Variants in DCLK1 observed in about 807,000 individuals in gnomAD.
The protein encoded by DCLK1 is serine/threonine-protein kinase DCLK1.
In DCLK1, 16 loss-of-function variants were observed where a neutral mutation model predicts 86.2. The observed-to-expected ratio is 0.19, with a 90% CI of 0.13 to 0.28. DCLK1 has a LOEUF of 0.28. Ranked by LOEUF, DCLK1 falls within the 10% of genes least tolerant of loss-of-function variation. The pLI, the probability that DCLK1 is intolerant of heterozygous loss-of-function variation, is 1.00. For synonymous variants in DCLK1, 369 were observed against 370.5 expected, an observed-to-expected ratio of 1.00 and a Z score of 0.05; for missense variants, 590 against 940.2, an observed-to-expected ratio of 0.63 and a Z score of 4.87.
At chr13:36,032,266 C>T (rs924548552) in intron 3 of DCLK1, among the ~76,000 whole-genome samples, 2 of 151,944 alleles carry the variant, frequency 1.3e-5, no homozygotes, top group Non-Finnish European at 1.5e-5. Context: ...CTCAGCCTCC[C>T]GAGTGGCTGG....
intron 15 of DCLK1, among the ~76,000 whole-genome samples, chr13:35,801,511 T>TG (rs372490424): frequency 6.6e-6 from 1 of 151,942 alleles, no homozygotes; most frequent in East Asian, 1.9e-4. Flanking sequence ...GGGTATTTTT[T>TG]TTTTAGTTTT....
chr13:35,848,551 C>T (rs1412267253), intron 6 of DCLK1: 3 of 985,098 alleles, frequency 3.0e-6, no homozygotes, highest in Middle Eastern at 5.2e-4. Context: ...TGATATCTAT[C>T]GGCAATTAGT....
intron 3 of DCLK1, among the ~76,000 whole-genome samples, chr13:36,102,509 AC>A (rs2138165384): frequency 6.6e-6 from 1 of 152,340 alleles, no homozygotes; most frequent in East Asian, 1.9e-4. Flanking sequence ...TTGGTCTCAC[AC>A]AGGTGTACAA....
At chr13:36,117,123 T>A (rs1885818122) in intron 2 of DCLK1, among the ~76,000 whole-genome samples, 1 of 151,974 alleles carries the variant, frequency 6.6e-6, no homozygotes, top group Non-Finnish European at 1.5e-5. Flanking sequence ...TGTGGACATG[T>A]CACCTTCTCA....
chr13:36,090,980 A>C (rs1884804208), intron 3 of DCLK1, among the ~76,000 whole-genome samples: 1 of 152,196 alleles, frequency 6.6e-6, no homozygotes, highest in Non-Finnish European at 1.5e-5. Context: ...TGGCTGCATA[A>C]ACATCTTCTT....
intron 4 of DCLK1, among the ~76,000 whole-genome samples, chr13:35,908,600 C>T (rs377714200): frequency 6.6e-5 from 10 of 152,146 alleles, no homozygotes; most frequent in African/African-American, 7.2e-5. Flanking sequence ...GTCTATCACC[C>T]AGCTCCTATT....
At chr13:35,959,641 C>T (rs1184852876) in intron 3 of DCLK1, among the ~76,000 whole-genome samples, 1 of 152,090 alleles carries the variant, frequency 6.6e-6, no homozygotes, top group African/African-American at 2.4e-5. Context: ...GGATTCAACC[C>T]GTGGGCAGGC....
chr13:36,108,525 G>A (rs551195283), intron 3 of DCLK1, among the ~76,000 whole-genome samples: 2 of 152,228 alleles, frequency 1.3e-5, no homozygotes, highest in East Asian at 1.9e-4. Context: ...TCCGGTGTCC[G>A]TCTCCTCTGG....
intron 3 of DCLK1, among the ~76,000 whole-genome samples, chr13:35,985,268 T>G (rs1382870600): frequency 6.6e-6 from 1 of 152,112 alleles, no homozygotes; most frequent in Non-Finnish European, 1.5e-5. Context: ...CAATGCCTCC[T>G]GTGAAGGGGA....
chr13:35,789,990 C>G (rs2086685883), intron 16 of DCLK1, among the ~76,000 whole-genome samples: 2 of 152,122 alleles, frequency 1.3e-5, no homozygotes, highest in Non-Finnish European at 2.9e-5. Context: ...GCAATGCCTT[C>G]CACCTAATCC....
chr13:35,954,887 T>G (rs913140300), intron 3 of DCLK1, among the ~76,000 whole-genome samples: 3 of 152,102 alleles, frequency 2.0e-5, no homozygotes, highest in Non-Finnish European at 1.5e-5. Flanking sequence ...GGCTAGGAGA[T>G]AACACTCAAA....
Position 36,046,338 on chromosome 13 carries a change from AC to A in DCLK1, c.723+65530del, listed in dbSNP as rs1189199094. Among the ~76,000 whole-genome samples the A allele has an allele frequency of 1.2e-3, 180 of 152,346 alleles. 1 individual carries two copies. Among genetic ancestry groups the A allele is most frequent in the African/African-American group, 4.0e-3 (167 of 41,582 alleles). On this transcript the variant is annotated intron_variant, in intron 3 of 16. Transcript: ENST00000360631. ...TGAGTTAATACATAAACTAACACAC[AC>A]AGCTAAACAGCGCCTGAACAGTAAC...
At chr13:35,843,235 G>A (rs974353245) in intron 6 of DCLK1, among the ~76,000 whole-genome samples, 10 of 152,112 alleles carry the variant, frequency 6.6e-5, no homozygotes, top group African/African-American at 9.7e-5. Flanking sequence ...AGTACAAAAC[G>A]TACAGTTATT....
intron 4 of DCLK1, among the ~76,000 whole-genome samples, chr13:35,889,449 G>T (rs1357508164): frequency 6.6e-6 from 1 of 152,128 alleles, no homozygotes; most frequent in Non-Finnish European, 1.5e-5. Context: ...GCAGTCTTCT[G>T]TGTCTTTCCT....
intron 15 of DCLK1, among the ~76,000 whole-genome samples, chr13:35,800,176 T>A (rs1048459084): frequency 6.6e-6 from 1 of 152,234 alleles, no homozygotes; most frequent in Admixed American, 6.5e-5. Flanking sequence ...TAGCAATGGA[T>A]GAAACAGTTG....
At chr13:35,975,361 C>A (rs1879281427) in intron 3 of DCLK1, among the ~76,000 whole-genome samples, 1 of 152,212 alleles carries the variant, frequency 6.6e-6, no homozygotes, top group Non-Finnish European at 1.5e-5. Flanking sequence ...GACCTCATTT[C>A]ATGGCACCAT....
At chr13:35,842,121 C>T (rs1334672503) in intron 6 of DCLK1, among the ~76,000 whole-genome samples, 2 of 144,248 alleles carry the variant, frequency 1.4e-5, no homozygotes, top group South Asian at 2.3e-4. Context: ...CCCAGCTAAT[C>T]GGGAGGCTGA....
At chr13:35,863,286 T>G (rs1424744603) in intron 5 of DCLK1, among the ~76,000 whole-genome samples, 1 of 152,216 alleles carries the variant, frequency 6.6e-6, no homozygotes, top group Non-Finnish European at 1.5e-5. Context: ...ATAAGCAACT[T>G]GAAGGCAAGG....
At chr13:35,850,111 T>C in intron 6 of DCLK1, 2 of 985,188 alleles carry the variant, frequency 2.0e-6, no homozygotes, top group Non-Finnish European at 2.4e-6. Flanking sequence ...GTCGTTGTCA[T>C]AATTTTTCTT....
Sources: gnomAD v4.1 joint callset for allele counts (sites outside exome capture counted in the v4.1 genomes callset) on GRCh38, gnomAD v4.1.1 for gene constraint, MANE v1.5 for transcripts, NCBI Gene and HGNC (gene_info 2026-07-23, HGNC 2026-07-21) for gene names.